PLA2G2F: variants seen among roughly 807,000 people sequenced by gnomAD.
The protein encoded by PLA2G2F is phospholipase A2 group IIF.
A neutral mutation model predicts 15.9 loss-of-function variants in PLA2G2F; 17 were observed. That is an observed-to-expected ratio of 1.07 (90% CI 0.73 to 1.60). PLA2G2F has a LOEUF of 1.60. Among genes scored for constraint, PLA2G2F ranks in the 40% most tolerant of loss-of-function variants. PLA2G2F has a pLI of 0.00. For synonymous variants in PLA2G2F, 119 were observed against 106.5 expected (o/e 1.12, Z -0.72); for missense variants, 299 against 278.2 (o/e 1.07, Z -0.53).
At chr1:20,146,753 T>C (rs1366988031) in intron 4 of PLA2G2F, among the ~76,000 whole-genome samples, 1 of 152,216 alleles carries the variant, frequency 6.6e-6, no homozygotes, top group Non-Finnish European at 1.5e-5. Flanking sequence ...CCCAGATCTC[T>C]GTGGTCCTCA....
At chr1:20,139,662 G>A in intron 1 of PLA2G2F, 119 bp downstream of exon 1, 1 of 753,618 alleles carries the variant, frequency 1.3e-6, no homozygotes, top group Non-Finnish European at 2.1e-6. Flanking sequence ...ACCCCAAAGG[G>A]ATCATTTAGT....
rs2017695364 is a variant in PLA2G2F, at chr1:20,149,808, C to G, written c.*1407C>G. The G allele has an allele frequency of 6.6e-6, 1 of 152,654 alleles. No individual in the cohort carries two copies. Among genetic ancestry groups the G allele is most frequent in the African/African-American group, 2.4e-5 (1 of 41,444 alleles). The allele number at this position is 152,654 out of a possible 1,614,324, so 9.5% of individuals were successfully genotyped here. On this transcript the variant is annotated 3_prime_UTR_variant, in exon 5 of 5. Coordinates refer to ENST00000375102, the MANE Select transcript of PLA2G2F (RefSeq NM_022819.4). The stretch of plus-strand genomic sequence containing the variant: ...GTTTCTCCAGGTGCACCTTACCTTC[C>G]TCCTTACCTGCCCGAGCCTCAACTC...
At chr1:20,139,635 TC>T in intron 1 of PLA2G2F, 92 bp downstream of exon 1, 1 of 1,001,832 alleles carries the variant, frequency 1.0e-6, no homozygotes, top group Non-Finnish European at 1.4e-6. Flanking sequence ...CTCCTAAGAG[TC>T]CACGTGGTGG....
At chr1:20,141,900 A>G (rs1477912416) in intron 2 of PLA2G2F, 1 of 152,194 alleles carries the variant, frequency 6.6e-6, no homozygotes, top group Non-Finnish European at 1.5e-5. Context: ...CCCATTTTAC[A>G]GATGGGAGAA....
chr1:20,148,451 C>A lies in PLA2G2F; in HGVS notation c.*50C>A. The stretch of plus-strand genomic sequence containing the variant: ...GCGGGAGGAGGGTCTGGCTTGGGGA[C>A]CAGACGAGGTGCAGGGAGGGTAGGA... On this transcript the variant is annotated 3_prime_UTR_variant, in exon 5 of 5. Coordinates refer to ENST00000375102, the MANE Select transcript of PLA2G2F (RefSeq NM_022819.4). 2 of 1,502,450 alleles carry A rather than the reference C, an allele frequency of 1.3e-6. No homozygotes were observed. 93.1% of individuals were successfully genotyped at this position (1,502,450 alleles called of 1,614,324 possible).
At chr1:20,139,813 C>G (rs2017423585) in intron 1 of PLA2G2F, among the ~76,000 whole-genome samples, 1 of 152,176 alleles carries the variant, frequency 6.6e-6, no homozygotes, top group Non-Finnish European at 1.5e-5. Context: ...GCTTTGGGTT[C>G]AAGACCCAGC....
At chr1:20,143,388 G>C in intron 2 of PLA2G2F, 58 bp from the exon 3 acceptor site, 1 of 1,588,692 alleles carries the variant, frequency 6.3e-7, no homozygotes, top group Non-Finnish European at 8.6e-7. Context: ...GGATGAGAGA[G>C]GCTGGGAGCG....
In PLA2G2F at chr1:20,140,217, C is replaced by T. The variant is rs1313399718; in HGVS notation, c.168C>T (p.Ser56=). 6 of 1,613,664 alleles carry T rather than the reference C, an allele frequency of 3.7e-6. No individual in the cohort carries two copies. The highest frequency in any genetic ancestry group is 1.3e-5 in the African/African-American group (1 of 75,028). ...TCACCGTGGCCATCCTTGCTGGCAGCGGTGAGTAAAGACTCCAGAGGGCTC... is the reference window on the plus strand; with the variant it reads ...TCACCGTGGCCATCCTTGCTGGCAGTGGTGAGTAAAGACTCCAGAGGGCTC... ...KFFTVAILAG[S]VLSTAHGSLL... is the part of the protein sequence containing the mutation. The change falls in exon 2 of 5, where the codon AGC becomes AGT. Residue 56 remains serine, a splice_region_variant and synonymous_variant. Coordinates refer to ENST00000375102, the MANE Select transcript of PLA2G2F (RefSeq NM_022819.4).
rs748372907 is a variant in PLA2G2F at position 20,144,580 on chromosome 1, G to A, written c.315G>A (p.Trp105Ter). 6.2e-7 allele frequency: 1 copy of A among 1,607,722 alleles called. No individual in the cohort carries two copies. Among genetic ancestry groups the A allele is most frequent in the Non-Finnish European group, 8.5e-7 (1 of 1,176,856 alleles). Residue 105 changes from tryptophan to a stop codon, truncating the protein, a stop_gained and splice_region_variant, in exon 4 of 5, where the codon TGG (tryptophan) becomes TGA (stop). Transcript: ENST00000375102. LOFTEE classifies it high-confidence loss of function. Reference protein sequence around the residue: ...GRGQPKDEVDWCCHAHDCCYQ... With the variant: ...GRGQPKDEVD ...TCCACTCACCTCTGCCGCTCCCTAG[G>A]TGCTGCCACGCCCACGACTGCTGCT... is the stretch of plus-strand genomic sequence containing the variant.
intron 4 of PLA2G2F, among the ~76,000 whole-genome samples, chr1:20,145,531 C>T (rs543844295): frequency 3.7e-4 from 57 of 152,016 alleles, no homozygotes; most frequent in Non-Finnish European, 6.2e-4. Context: ...CCACCCACCT[C>T]GGCCTCCCAA....
At chr1:20,147,758 C>T (rs1172294859) in intron 4 of PLA2G2F, among the ~76,000 whole-genome samples, 3 of 152,222 alleles carry the variant, frequency 2.0e-5, no homozygotes, top group African/African-American at 4.8e-5. Flanking sequence ...CAATAACTCC[C>T]TCTTCACTGG....
In PLA2G2F at chr1:20,145,238, T is replaced by C. The variant is rs72970760; in HGVS notation, c.424+549T>C. 6.1e-3 allele frequency among the ~76,000 whole-genome samples: 936 copies of C among 152,196 alleles called. 9 individuals are homozygous for C. Among genetic ancestry groups the C allele is most frequent in the African/African-American group, 0.022 (893 of 41,526 alleles). On this transcript the variant is annotated intron_variant, in intron 4 of 4. Coordinates refer to ENST00000375102, the MANE Select transcript of PLA2G2F (RefSeq NM_022819.4). ...AATGCTAGTATAAAATTAATTAATA[T>C]TTATAGATAAGGAAATGTTTAGGAC...
chr1:20,146,867 C>T (rs891821070), intron 4 of PLA2G2F, among the ~76,000 whole-genome samples: 1 of 152,124 alleles, frequency 6.6e-6, no homozygotes, highest in Non-Finnish European at 1.5e-5. Context: ...CCACCACCCA[C>T]CAGGGGTAAC....
intron 1 of PLA2G2F, 95 bp downstream of exon 1, chr1:20,139,638 A>C: frequency 4.1e-6 from 4 of 973,868 alleles, no homozygotes; most frequent in South Asian, 3.5e-5. Context: ...CTAAGAGTCC[A>C]CGTGGTGGGC....
chr1:20,140,295 A>C, intron 2 of PLA2G2F, 77 bp downstream of exon 2: 2 of 1,511,246 alleles, frequency 1.3e-6, no homozygotes, highest in Non-Finnish European at 1.8e-6. Context: ...CGCCTGAGTT[A>C]TGGTTCCACT....
chr1:20,145,351 G>T (rs992371151), intron 4 of PLA2G2F, among the ~76,000 whole-genome samples: 4 of 149,590 alleles, frequency 2.7e-5, no homozygotes, highest in Non-Finnish European at 5.9e-5. Context: ...GCATGATCTC[G>T]GCTCACTACA....
chr1:20,144,591 CCCA>C lies in PLA2G2F; in HGVS notation c.328_330del (p.His110del). On this transcript the variant is annotated inframe_deletion, in exon 4 of 5. Transcript: ENST00000375102. ...CTGCCGCTCCCTAGGTGCTGCCACG[CCCA>C]CGACTGCTGCTACCAGGAACTCTTT... 1.2e-6 allele frequency: 2 copies of C among 1,610,228 alleles called. No homozygotes were observed. Among genetic ancestry groups the C allele is most frequent in the Non-Finnish European group, 1.7e-6 (2 of 1,178,198 alleles).
chr1:20,145,305 C>T (rs1263822951), intron 4 of PLA2G2F, among the ~76,000 whole-genome samples: 16 of 143,192 alleles, frequency 1.1e-4, no homozygotes, highest in Admixed American at 1.4e-4. Flanking sequence ...TTTTTTGAGA[C>T]GCAGTCTCTC....
intron 4 of PLA2G2F, among the ~76,000 whole-genome samples, chr1:20,146,162 G>A (rs1397664580): frequency 6.6e-6 from 1 of 152,212 alleles, no homozygotes. Flanking sequence ...GCTCTGCAGG[G>A]AGGCTCTGAG....
Sources: gnomAD v4.1 joint callset for allele counts (sites outside exome capture counted in the v4.1 genomes callset) on GRCh38, gnomAD v4.1.1 for gene constraint, MANE v1.5 for transcripts, NCBI Gene and HGNC (gene_info 2026-07-23, HGNC 2026-07-21) for gene names.